Variants in PPP2R5C observed in about 807,000 individuals in gnomAD.
PPP2R5C encodes serine/threonine-protein phosphatase 2A 56 kDa regulatory subunit gamma isoform.
PPP2R5C carries 7 observed loss-of-function variants against 68.9 expected under a neutral mutation model. The ratio of observed to expected loss-of-function variants is 0.10; its 90% confidence interval spans 0.06 to 0.19. The LOEUF (loss-of-function observed/expected upper bound fraction) is 0.19, where lower values mean the gene tolerates loss of function less well. Ranked by LOEUF, PPP2R5C falls within the 10% of genes least tolerant of loss-of-function variation. The pLI is 1.00. For missense variants in PPP2R5C, 348 were observed against 641.3 expected (o/e 0.54, Z 4.94); for synonymous variants, 210 against 222.2 (o/e 0.95, Z 0.49).
intron 1 of PPP2R5C, among the ~76,000 whole-genome samples, chr14:101,817,205 C>T (rs960554448): frequency 6.6e-6 from 1 of 151,994 alleles, no homozygotes; most frequent in Non-Finnish European, 1.5e-5. Context: ...TTCCACCCGC[C>T]TCGGCCTCCC....
chr14:101,817,091 G>A (rs1232501341), intron 1 of PPP2R5C, among the ~76,000 whole-genome samples: 1 of 150,376 alleles, frequency 6.6e-6, no homozygotes, highest in African/African-American at 2.4e-5. Context: ...TCAAGTAGCT[G>A]GGACTACAGG....
intron 10 of PPP2R5C, among the ~76,000 whole-genome samples, chr14:101,907,254 TC>T (rs2046085284): frequency 6.6e-6 from 1 of 152,130 alleles, no homozygotes; most frequent in African/African-American, 2.4e-5. Context: ...CACTTCAGCC[TC>T]GACCTCCTGG....
At chr14:101,894,742 A>C (rs930108270) in intron 8 of PPP2R5C, among the ~76,000 whole-genome samples, 182 bp downstream of exon 10, 1 of 152,218 alleles carries the variant, frequency 6.6e-6, no homozygotes, top group African/African-American at 2.4e-5. Context: ...TTTTAATTGC[A>C]GATTCCTTTA....
chr14:101,761,088 A>AGGGAAGGGGAGGGGG (rs2036501446), upstream of PPP2R5C, among the ~76,000 whole-genome samples: 1 of 15,396 alleles, frequency 6.5e-5, no homozygotes, highest in African/African-American at 3.0e-4. Context: ...AGGGGAGGGG[A>AGGGAAGGGGAGGGGG]GGGAAGGGAG....
At chr14:101,800,517 GGTGC>G (rs2038813050) in intron 3 of PPP2R5C, among the ~76,000 whole-genome samples, 2 of 151,750 alleles carry the variant, frequency 1.3e-5, no homozygotes, top group Admixed American at 1.3e-4. Flanking sequence ...GAGCCAAGAT[GGTGC>G]CATTGCACTC....
chr14:101,772,566 G>A (rs747078919), intron 2 of PPP2R5C, among the ~76,000 whole-genome samples: 8 of 152,082 alleles, frequency 5.3e-5, no homozygotes, highest in African/African-American at 1.2e-4. Context: ...AGGCCGAGTC[G>A]GGTGGATCAC....
intron 1 of PPP2R5C, among the ~76,000 whole-genome samples, chr14:101,816,565 G>C (rs1168150867): frequency 2.0e-5 from 3 of 152,098 alleles, no homozygotes; most frequent in Non-Finnish European, 4.4e-5. Context: ...GGAGAAAGTG[G>C]AGTGCAGAAT....
Position 101,761,924 on chromosome 14 carries a change from A to T in PPP2R5C, c.27+4A>T. The T allele has an allele frequency of 8.4e-7, 1 of 1,185,062 alleles. No homozygotes were observed. Among genetic ancestry groups the T allele is most frequent in the Non-Finnish European group, 1.1e-6 (1 of 949,396 alleles). 73.4% of individuals were successfully genotyped at this position (1,185,062 alleles called of 1,614,324 possible). ...GAATAAAAACAAGAAGGAGAAAGTG[A>T]GTCCGGGCCCGGCCGCGGGACGGAG... On this transcript the variant is annotated splice_donor_region_variant and intron_variant, in intron 1 of 14. Transcript: ENST00000328724.
intron 1 of PPP2R5C, among the ~76,000 whole-genome samples, chr14:101,841,137 C>G (rs765236240): frequency 6.6e-6 from 1 of 152,164 alleles, no homozygotes; most frequent in Non-Finnish European, 1.5e-5. Context: ...AAAACTGAGG[C>G]CCAAAGAGAT....
At position 101,781,519 on chromosome 14, in the gene PPP2R5C, A is replaced by G. The variant is rs912789665; in HGVS notation, c.94-4499A>G. Among the ~76,000 whole-genome samples the G allele has an allele frequency of 2.0e-5, 2 of 101,938 alleles. No individual in the cohort carries two copies. Among genetic ancestry groups the G allele is most frequent in the African/African-American group, 7.7e-5 (2 of 26,120 alleles). The allele number at this position is 101,938 out of a possible 152,430, so 66.9% of individuals were successfully genotyped here. ...CAGCCTCCCCGCCCCTGCCCTTGCC[A>G]GCCTGCGCCTTCCTGGGCGCCTGAC... is the stretch of plus-strand genomic sequence containing the variant. On this transcript the variant is annotated intron_variant, in intron 2 of 14. Coordinates refer to the PPP2R5C transcript ENST00000328724. This position sits in a 1 kb window ranked among gnomAD's most constrained non-coding sequence, Gnocchi z 6.4.
chr14:101,771,895 A>G (rs989641631), intron 2 of PPP2R5C, among the ~76,000 whole-genome samples: 3 of 152,216 alleles, frequency 2.0e-5, no homozygotes, highest in South Asian at 4.1e-4. Context: ...TGTTTGCTGC[A>G]TATGGCTATT....
At chr14:101,764,670 T>C (rs2036757290) in intron 2 of PPP2R5C, among the ~76,000 whole-genome samples, 1 of 152,224 alleles carries the variant, frequency 6.6e-6, no homozygotes, top group South Asian at 2.1e-4. Flanking sequence ...CCTGTCTTTA[T>C]AGCAGACAAC....
intron 2 of PPP2R5C, among the ~76,000 whole-genome samples, chr14:101,772,900 G>C (rs1393394503): frequency 6.6e-6 from 1 of 152,206 alleles, no homozygotes; most frequent in Non-Finnish European, 1.5e-5. Flanking sequence ...ACTTTGTCCT[G>C]CTGATTATGA....
chr14:101,810,374 C>A (rs2039287586), intron 1 of PPP2R5C: 1 of 210,788 alleles, frequency 4.7e-6, no homozygotes, highest in East Asian at 1.2e-4. Context: ...GAAGGAGAGG[C>A]GGGCCTGTCG....
intron 1 of PPP2R5C, among the ~76,000 whole-genome samples, chr14:101,856,006 AGTC>A (rs999728193): frequency 6.6e-6 from 1 of 152,228 alleles, no homozygotes; most frequent in Admixed American, 6.5e-5. Context: ...CATTAACGTC[AGTC>A]GTCATGTGTG....
At position 101,917,849 on chromosome 14, in the gene PPP2R5C, G is replaced by C; in HGVS notation, c.1345G>C (p.Ala449Pro). The change falls in exon 13 of 14, where the codon GCC becomes CCC. Residue 449 changes from alanine (A) to proline (P), a missense_variant. Coordinates refer to ENST00000334743, the Ensembl canonical transcript of PPP2R5C. This position sits in a 1 kb window ranked among gnomAD's most constrained non-coding sequence, Gnocchi z 4.4. ...ATTGCAGTACACAGTGTATAGTCAA[G>C]CCAGCACCATGAGCATTCCGGTTGC... The C allele has an allele frequency of 6.2e-7, 1 of 1,613,708 alleles. No homozygotes were observed. The highest frequency in any genetic ancestry group is 8.5e-7 in the Non-Finnish European group (1 of 1,179,712).
At chr14:101,925,349 A>G in exon 14 of PPP2R5C, 1 of 1,563,956 alleles carries the variant, frequency 6.4e-7, no homozygotes, top group South Asian at 1.2e-5. Context: ...TTCCTGTGCC[A>G]TACCAATCAG....
intron 1 of PPP2R5C, among the ~76,000 whole-genome samples, chr14:101,845,800 TGTAACCTTG>T (rs2041791835): frequency 6.6e-6 from 1 of 152,184 alleles, no homozygotes. Context: ...GGAAAGATAA[TGTAACCTTG>T]GTACATGTGT....
intron 2 of PPP2R5C, among the ~76,000 whole-genome samples, chr14:101,860,156 A>G (rs915556909): frequency 6.6e-6 from 1 of 152,120 alleles, no homozygotes; most frequent in Admixed American, 6.5e-5. Context: ...CATCCCCTCA[A>G]AAAGAAATCC....
Sources: gnomAD v4.1 joint callset for allele counts (sites outside exome capture counted in the v4.1 genomes callset) on GRCh38, gnomAD v4.1.1 for gene constraint, Gnocchi (gnomAD v3.1) non-coding constraint, MANE v1.5 for transcripts, NCBI Gene and HGNC (gene_info 2026-07-23, HGNC 2026-07-21) for gene names.